The following CHSY3 variants were observed in gnomAD, a reference collection of about 807,000 sequenced individuals.
CHSY3 encodes the protein N-acetylgalactosaminyl-proteoglycan 3-beta-glucuronosyltransferase 3.
Under a neutral mutation model 67.2 loss-of-function variants are expected in CHSY3, and 35 were observed. The observed-to-expected ratio is 0.52, with a 90% CI of 0.40 to 0.69. CHSY3 has a LOEUF of 0.69. Among genes scored for constraint, CHSY3 ranks in the 30% least tolerant of loss-of-function variants. The pLI, the probability that CHSY3 is intolerant of heterozygous loss-of-function variation, is 0.00. For missense variants in CHSY3, 1,069 were observed against 1,138.5 expected, an observed-to-expected ratio of 0.94 and a Z score of 0.88; for synonymous variants, 474 against 434.7, an observed-to-expected ratio of 1.09 and a Z score of -1.12.
chr5:130,031,125 TAAAAC>T (rs1297853214), intron 2 of CHSY3, among the ~76,000 whole-genome samples: 1 of 151,728 alleles, frequency 6.6e-6, no homozygotes, highest in Non-Finnish European at 1.5e-5. Flanking sequence ...AGTAAATAAA[TAAAAC>T]AAAATGGAAT....
intron 2 of CHSY3, among the ~76,000 whole-genome samples, chr5:129,943,870 A>G (rs1034691841): frequency 6.6e-6 from 1 of 152,244 alleles, no homozygotes; most frequent in Non-Finnish European, 1.5e-5. Flanking sequence ...TTTGAAAGGC[A>G]TTAACTGGAA....
In CHSY3 at chr5:130,050,095, A is replaced by C. The variant is rs1765287999; in HGVS notation, c.1087-134134A>C. Among the ~76,000 whole-genome samples the C allele has an allele frequency of 2.6e-5, 4 of 152,106 alleles. No individual in the cohort carries two copies. The South Asian group carries it at 6.2e-4, about 24-fold the overall frequency. On this transcript the variant is annotated intron_variant, in intron 2 of 2. Coordinates refer to ENST00000305031, the MANE Select transcript of CHSY3 (RefSeq NM_175856.5). ...CACTAAGAATCAAAGTATTACTACT[A>C]AGCCACTTACTGTTGTAGGGCTTTG...
chr5:129,973,339 T>G (rs972229927), intron 2 of CHSY3, among the ~76,000 whole-genome samples: 11 of 152,128 alleles, frequency 7.2e-5, no homozygotes, highest in African/African-American at 2.7e-4. Flanking sequence ...AGTCTTAACT[T>G]ACCCACCTCT....
intron 2 of CHSY3, among the ~76,000 whole-genome samples, chr5:130,074,857 G>C (rs1766200341): frequency 6.6e-6 from 1 of 152,000 alleles, no homozygotes; most frequent in South Asian, 2.1e-4. Flanking sequence ...AGAGTAAACA[G>C]TTGGAGTTAT....
At chr5:130,000,161 A>G (rs1005636800) in intron 2 of CHSY3, among the ~76,000 whole-genome samples, 1 of 152,234 alleles carries the variant, frequency 6.6e-6, no homozygotes, top group South Asian at 2.1e-4. Flanking sequence ...TGGATAACAT[A>G]TGTTTTATTT....
intron 2 of CHSY3, among the ~76,000 whole-genome samples, chr5:129,946,925 T>C (rs1761873142): frequency 6.6e-6 from 1 of 152,230 alleles, no homozygotes. Flanking sequence ...TTAATTTCCC[T>C]TGGATACATA....
At chr5:129,977,301 A>G (rs759747243) in intron 2 of CHSY3, among the ~76,000 whole-genome samples, 1 of 152,178 alleles carries the variant, frequency 6.6e-6, no homozygotes, top group African/African-American at 2.4e-5. Flanking sequence ...TATATTTTCA[A>G]TTACTGATTA....
chr5:129,948,098 T>G (rs1761913117), intron 2 of CHSY3, among the ~76,000 whole-genome samples: 1 of 152,190 alleles, frequency 6.6e-6, no homozygotes, highest in Non-Finnish European at 1.5e-5. Flanking sequence ...GCTGTGCTGC[T>G]AAACAAAATT....
At chr5:130,173,615 T>A (rs557679975) in intron 2 of CHSY3, among the ~76,000 whole-genome samples, 4 of 152,232 alleles carry the variant, frequency 2.6e-5, no homozygotes, top group South Asian at 2.1e-4. Context: ...TTTTTAGAAA[T>A]CTTAGTAGCA....
In CHSY3 at chr5:130,123,357, A is replaced by C. The variant is rs145807612; in HGVS notation, c.1087-60872A>C. On this transcript the variant is annotated intron_variant, in intron 2 of 2. Transcript: ENST00000305031. Reference sequence around the variant, plus strand: ...TGGCACCAGGGCCCAGTTTTATAGAAGATAGTCTTTCCATGGACCAGTAGG... The same window carrying C: ...TGGCACCAGGGCCCAGTTTTATAGACGATAGTCTTTCCATGGACCAGTAGG... Among the ~76,000 whole-genome samples, 628 of 152,284 alleles carry C rather than the reference A, an allele frequency of 4.1e-3. 7 individuals carry two copies. The highest frequency in any genetic ancestry group is 0.035 in the South Asian group (171 of 4,824).
intron 2 of CHSY3, among the ~76,000 whole-genome samples, chr5:130,096,334 G>C (rs368135123): frequency 1.4e-4 from 22 of 152,230 alleles, no homozygotes; most frequent in African/African-American, 5.3e-4. Flanking sequence ...ACCATACCCA[G>C]CTAATTTTTT....
At chr5:129,976,444 C>A (rs1172075740) in intron 2 of CHSY3, among the ~76,000 whole-genome samples, 3 of 152,040 alleles carry the variant, frequency 2.0e-5, no homozygotes, top group Admixed American at 6.6e-5. Flanking sequence ...AGATAATATC[C>A]CAGTAAATGT....
intron 2 of CHSY3, among the ~76,000 whole-genome samples, chr5:129,918,580 A>G (rs1760807776): frequency 6.6e-6 from 1 of 152,140 alleles, no homozygotes; most frequent in Admixed American, 6.5e-5. Context: ...GAGCAGGAAA[A>G]TGCCTCCTCC....
intron 2 of CHSY3, among the ~76,000 whole-genome samples, chr5:129,930,996 C>T (rs1178220440): frequency 6.6e-6 from 1 of 152,166 alleles, no homozygotes; most frequent in Non-Finnish European, 1.5e-5. Context: ...GCCTTTGTCT[C>T]AGCCTCCTGA....
chr5:130,011,260 A>C (rs1764050697), intron 2 of CHSY3, among the ~76,000 whole-genome samples: 2 of 152,202 alleles, frequency 1.3e-5, no homozygotes. Context: ...CAGCACACCA[A>C]AAAGCTAATC....
chr5:130,068,330 C>A (rs1489980430), intron 2 of CHSY3, among the ~76,000 whole-genome samples: 1 of 152,078 alleles, frequency 6.6e-6, no homozygotes. Flanking sequence ...CAAAGCATCC[C>A]TCTGCTGCAT....
intron 2 of CHSY3, among the ~76,000 whole-genome samples, chr5:129,993,609 C>A (rs1763435576): frequency 6.6e-6 from 1 of 152,084 alleles, no homozygotes; most frequent in Non-Finnish European, 1.5e-5. Context: ...TGTGTCTCTG[C>A]ACGTGAGATG....
intron 2 of CHSY3, among the ~76,000 whole-genome samples, chr5:130,078,829 G>A (rs1766355472): frequency 6.6e-6 from 1 of 152,156 alleles, no homozygotes; most frequent in South Asian, 2.1e-4. Context: ...CAGCTGTTGA[G>A]AAACAGCTGT....
Position 130,091,146 on chromosome 5 carries a change from G to GCGCGCACACA in CHSY3, c.1087-93082_1087-93081insGCGCACACAC, listed in dbSNP as rs1554082166. On this transcript the variant is annotated intron_variant, in intron 2 of 2. Coordinates refer to ENST00000305031, the MANE Select transcript of CHSY3 (RefSeq NM_175856.5). ...CACACACACACACACGCACACGCGC[G>GCGCGCACACA]CACACACACACACACACTACTTTTG... Among the ~76,000 whole-genome samples, 1,184 of 149,486 alleles carry GCGCGCACACA rather than the reference G, an allele frequency of 7.9e-3. 15 individuals carry two copies. Among genetic ancestry groups the GCGCGCACACA allele is most frequent in the African/African-American group, 0.027 (1,108 of 40,322 alleles).
Sources: allele counts gnomAD v4.1 joint callset (sites outside exome capture counted in the v4.1 genomes callset), GRCh38; gene constraint gnomAD v4.1.1; transcripts MANE v1.5; gene names NCBI Gene and HGNC (gene_info 2026-07-23, HGNC 2026-07-21).